Variants in ZFAT observed in about 807,000 individuals in gnomAD.
ZFAT encodes the protein zinc finger protein ZFAT.
ZFAT carries 64 observed loss-of-function variants against 117.7 expected under a neutral mutation model. The ratio of observed to expected loss-of-function variants is 0.54; its 90% CI spans 0.44 to 0.67. The LOEUF (loss-of-function observed/expected upper bound fraction) is 0.67, where lower values mean the gene tolerates loss of function less well. Ranked by LOEUF, ZFAT falls within the 30% of genes least tolerant of loss-of-function variation. The pLI is 0.00. For synonymous variants in ZFAT, 679 were observed against 615.0 expected, an observed-to-expected ratio of 1.10 and a Z score of -1.54; for missense variants, 1,433 against 1,584.5, an observed-to-expected ratio of 0.90 and a Z score of 1.62.
At chr8:134,559,708 A>C (rs556708266) in intron 11 of ZFAT, among the ~76,000 whole-genome samples, 112 of 152,294 alleles carry the variant, frequency 7.4e-4, no homozygotes, top group Middle Eastern at 3.4e-3. Flanking sequence ...AAACTTCTGA[A>C]TGTTTACCAA....
intron 15 of ZFAT, among the ~76,000 whole-genome samples, chr8:134,481,298 G>A (rs1237848733): frequency 6.6e-6 from 1 of 152,154 alleles, no homozygotes; most frequent in Non-Finnish European, 1.5e-5. Flanking sequence ...AGGGTGAGGG[G>A]ATGGGGATGG....
At chr8:134,573,908 G>A (rs1825115557) in intron 10 of ZFAT, among the ~76,000 whole-genome samples, 1 of 152,182 alleles carries the variant, frequency 6.6e-6, no homozygotes, top group African/African-American at 2.4e-5. Flanking sequence ...ACCAGCACAG[G>A]GTCTGGAGTC....
At chr8:134,517,379 T>C (rs1476291918) in intron 13 of ZFAT, among the ~76,000 whole-genome samples, 1 of 152,006 alleles carries the variant, frequency 6.6e-6, no homozygotes, top group African/African-American at 2.4e-5. Context: ...TTGCTCTCTG[T>C]CTCCTTTCCC....
the ZFAT span, among the ~76,000 whole-genome samples, chr8:134,749,263 C>T: frequency 1.4e-4 from 21 of 152,144 alleles, no homozygotes; most frequent in Admixed American, 6.5e-4. Flanking sequence ...TAGTATTTAG[C>T]CTTTCACAGT....
chr8:134,737,257 G>T, the ZFAT span, among the ~76,000 whole-genome samples: 9 of 151,546 alleles, frequency 5.9e-5, no homozygotes, highest in Non-Finnish European at 1.0e-4. Context: ...TCCAGCCTGG[G>T]CAACAAGAGC....
chr8:134,601,813 A>T lies in ZFAT; in HGVS notation c.1906T>A (p.Ser636Thr). The T allele has an allele frequency of 6.2e-7, 1 of 1,613,784 alleles. No homozygotes were observed. The highest frequency in any genetic ancestry group is 1.3e-5 in the African/African-American group (1 of 75,028). ...TCTGACCCAGCACTCTGGGCCTTGG[A>T]CAGCAGTAGTGTGATCACTTCACCT... ...TQGEVITLLL[S>T]KAQSAGSDQE... is the part of the protein sequence containing the mutation. Residue 636 changes from serine to threonine, a missense_variant, in exon 6 of 16, where the codon TCC becomes ACC. By Grantham distance (58) the Ser-to-Thr change is moderately conservative. This residue lies in a region of ZFAT where 372 missense variants were observed against 355.6 expected (regional missense o/e 1.05). Coordinates refer to ENST00000377838, the MANE Select transcript of ZFAT (RefSeq NM_020863.4).
At chr8:134,757,887 G>A in the ZFAT span, among the ~76,000 whole-genome samples, 2 of 152,116 alleles carry the variant, frequency 1.3e-5, no homozygotes, top group South Asian at 2.1e-4. Flanking sequence ...AATTCAGATC[G>A]GCATTGTGGC....
At chr8:134,624,872 A>G (rs750116207) in intron 3 of ZFAT, among the ~76,000 whole-genome samples, 1 of 150,970 alleles carries the variant, frequency 6.6e-6, no homozygotes, top group Non-Finnish European at 1.5e-5. Flanking sequence ...ATTCATTTAT[A>G]ATTAACACTG....
intron 8 of ZFAT, 128 bp from the exon 9 acceptor site, chr8:134,588,523 A>AT: frequency 9.7e-7 from 1 of 1,030,854 alleles, no homozygotes; most frequent in East Asian, 2.8e-5. Flanking sequence ...CAGAGACAGG[A>AT]TTTTCACCTA....
intron 9 of ZFAT, among the ~76,000 whole-genome samples, chr8:134,584,416 C>A (rs1441129968): frequency 6.6e-6 from 1 of 152,248 alleles, no homozygotes; most frequent in Admixed American, 6.5e-5. Context: ...GGACAGAGAT[C>A]CTGAGCAACC....
At chr8:134,528,915 G>A (rs1821210273) in intron 12 of ZFAT, among the ~76,000 whole-genome samples, 1 of 152,214 alleles carries the variant, frequency 6.6e-6, no homozygotes, top group African/African-American at 2.4e-5. Flanking sequence ...GTAGGCGCTT[G>A]AGAGATACAT....
intron 1 of ZFAT, among the ~76,000 whole-genome samples, chr8:134,706,889 AAAAG>A (rs1289829485): frequency 1.3e-5 from 2 of 152,016 alleles, no homozygotes; most frequent in African/African-American, 2.4e-5. Context: ...AAAAAAAAAA[AAAAG>A]AAAGAAAGAA....
At chr8:134,702,034 G>C (rs1477867829) in intron 1 of ZFAT, among the ~76,000 whole-genome samples, 1 of 152,212 alleles carries the variant, frequency 6.6e-6, no homozygotes, top group East Asian at 1.9e-4. Context: ...AAGAGGAAAA[G>C]AGTCCTGATC....
At chr8:134,600,414 G>A (rs1266149607) in intron 7 of ZFAT, 22 bp downstream of exon 7, 4 of 1,605,196 alleles carry the variant, frequency 2.5e-6, no homozygotes, top group Non-Finnish European at 3.4e-6. Context: ...AGACGGGGCT[G>A]CCGCTTGGGC....
At chr8:134,658,108 C>T (rs950028580) in intron 1 of ZFAT, among the ~76,000 whole-genome samples, 10 of 152,170 alleles carry the variant, frequency 6.6e-5, no homozygotes, top group East Asian at 3.8e-4. Flanking sequence ...GAGGCCGAGG[C>T]GGGCGGAGCA....
chr8:134,754,815 G>A, the ZFAT span, among the ~76,000 whole-genome samples: 2 of 152,196 alleles, frequency 1.3e-5, no homozygotes, highest in African/African-American at 2.4e-5. Context: ...GACCCAATGA[G>A]AGGTGCTGAG....
intron 2 of ZFAT, among the ~76,000 whole-genome samples, chr8:134,656,358 C>T (rs150044911): frequency 6.6e-5 from 10 of 152,284 alleles, no homozygotes; most frequent in Admixed American, 1.3e-4. Context: ...GGGCTGAGCA[C>T]GCCATGGACA....
At chr8:134,479,079 C>T (rs1205307214) in intron 15 of ZFAT, among the ~76,000 whole-genome samples, 1 of 152,154 alleles carries the variant, frequency 6.6e-6, no homozygotes, top group Non-Finnish European at 1.5e-5. Context: ...TTAGTTACTG[C>T]AGGTGTCAGT....
intron 2 of ZFAT, among the ~76,000 whole-genome samples, chr8:134,643,729 G>A (rs1035782542): frequency 3.1e-4 from 47 of 152,132 alleles, no homozygotes; most frequent in African/African-American, 1.1e-3. Context: ...CCCTGAGCAC[G>A]TTTTATGTTT....
Sources: gnomAD v4.1 joint callset for allele counts (sites outside exome capture counted in the v4.1 genomes callset) on GRCh38, gnomAD v4.1.1 for gene constraint, gnomAD v4.1.1 regional missense constraint, MANE v1.5 for transcripts, NCBI Gene and HGNC (gene_info 2026-07-23, HGNC 2026-07-21) for gene names.